The following PLCB4 variants were observed in gnomAD, a reference collection of about 807,000 sequenced individuals.
PLCB4 encodes 1-phosphatidylinositol 4,5-bisphosphate phosphodiesterase beta-4.
Under a neutral mutation model 178.8 loss-of-function variants are expected in PLCB4, and 77 were observed. The observed-to-expected ratio is 0.43, with a 90% CI of 0.36 to 0.52. The LOEUF (loss-of-function observed/expected upper bound fraction) is 0.52. PLCB4 is among the 20% of genes least tolerant of loss of function. The probability of loss-of-function intolerance (pLI) is 0.00; values close to 1 mark genes in which losing one functional copy is unlikely to be tolerated. For missense variants in PLCB4, 1,024 were observed against 1,453.4 expected (o/e 0.70, Z 4.80); for synonymous variants, 496 against 490.8 (o/e 1.01, Z -0.14).
At chr20:9,333,266 T>C (rs143280255) in intron 4 of PLCB4, among the ~76,000 whole-genome samples, 29 of 152,236 alleles carry the variant, frequency 1.9e-4, no homozygotes, top group African/African-American at 6.7e-4. Flanking sequence ...TCTGCCCTCT[T>C]GGAGGTTGTT....
chr20:9,379,008 G>A (rs1478974340), intron 12 of PLCB4, among the ~76,000 whole-genome samples: 2 of 152,128 alleles, frequency 1.3e-5, no homozygotes, highest in African/African-American at 4.8e-5. Flanking sequence ...TGGGTAAAGA[G>A]TTGTCACCAA....
At chr20:9,416,448 G>A (rs1325120118) in intron 25 of PLCB4, among the ~76,000 whole-genome samples, 2 of 152,108 alleles carry the variant, frequency 1.3e-5, no homozygotes, top group Non-Finnish European at 2.9e-5. Flanking sequence ...TGCCACAGCT[G>A]GGGTCCAAAT....
intron 2 of PLCB4, among the ~76,000 whole-genome samples, chr20:9,207,155 A>G (rs1220506392): frequency 6.6e-6 from 1 of 152,178 alleles, no homozygotes; most frequent in Admixed American, 6.6e-5. Flanking sequence ...TACCCAAAAC[A>G]AACGATACCA....
intron 33 of PLCB4, 83 bp from the exon 34 acceptor site, chr20:9,457,331 C>A: frequency 1.3e-6 from 1 of 760,716 alleles, no homozygotes; most frequent in Non-Finnish European, 2.4e-6. Context: ...ATATTATCTT[C>A]ATCAGAAAGC....
intron 2 of PLCB4, among the ~76,000 whole-genome samples, chr20:9,191,345 ATTTTTTTT>A (rs71184136): frequency 3.2e-4 from 19 of 58,858 alleles, no homozygotes; most frequent in East Asian, 2.4e-3. Context: ...CTAGATAGGC[ATTTTTTTT>A]TTTTTTTTTT....
At chr20:9,318,197 G>A (rs560887088) in intron 4 of PLCB4, among the ~76,000 whole-genome samples, 2 of 152,088 alleles carry the variant, frequency 1.3e-5, no homozygotes, top group East Asian at 1.9e-4. Flanking sequence ...ATAGAGACAA[G>A]GCCAGCCACA....
chr20:9,383,473 A>G (rs1380071264), intron 13 of PLCB4, among the ~76,000 whole-genome samples: 1 of 152,218 alleles, frequency 6.6e-6, no homozygotes, highest in Non-Finnish European at 1.5e-5. Flanking sequence ...GAAGCTGTCG[A>G]TGCATCAACC....
intron 2 of PLCB4, among the ~76,000 whole-genome samples, chr20:9,141,712 C>T (rs1401143192): frequency 1.3e-5 from 2 of 152,038 alleles, no homozygotes. Flanking sequence ...TTATGGCATG[C>T]GTATATGACA....
chr20:9,145,509 C>A (rs1236229503), intron 2 of PLCB4, among the ~76,000 whole-genome samples: 1 of 142,696 alleles, frequency 7.0e-6, no homozygotes, highest in Non-Finnish European at 1.5e-5. Flanking sequence ...TATCAAAGTT[C>A]TTTTTTTTTT....
chr20:9,432,264 T>G (rs147044981), intron 28 of PLCB4, among the ~76,000 whole-genome samples: 1 of 152,342 alleles, frequency 6.6e-6, no homozygotes, highest in Admixed American at 6.5e-5. Context: ...TCTTGCTTTA[T>G]TGATTCTTTA....
At chr20:9,323,665 C>T (rs2029872081) in intron 4 of PLCB4, among the ~76,000 whole-genome samples, 3 of 152,150 alleles carry the variant, frequency 2.0e-5, no homozygotes, top group African/African-American at 4.8e-5. Context: ...GGAGGTGTGT[C>T]GCTTAAATCT....
chr20:9,156,584 G>A (rs1356853318), intron 2 of PLCB4, among the ~76,000 whole-genome samples: 1 of 152,132 alleles, frequency 6.6e-6, no homozygotes, highest in Non-Finnish European at 1.5e-5. Context: ...TGACAGAATT[G>A]AGAGGGGAGG....
intron 2 of PLCB4, among the ~76,000 whole-genome samples, chr20:9,128,122 C>T (rs773885638): frequency 3.2e-4 from 48 of 152,240 alleles, no homozygotes; most frequent in South Asian, 6.2e-4. Flanking sequence ...AATGGCTTAG[C>T]GCTATCCTCT....
chr20:9,351,259 A>C (rs140643323), intron 7 of PLCB4, among the ~76,000 whole-genome samples: 163 of 152,086 alleles, frequency 1.1e-3, no homozygotes, highest in African/African-American at 3.6e-3. Context: ...ATATGTATAC[A>C]TGTGCCATGT....
intron 35 of PLCB4, among the ~76,000 whole-genome samples, chr20:9,466,040 C>G (rs1425014271): frequency 6.6e-6 from 1 of 152,182 alleles, no homozygotes; most frequent in African/African-American, 2.4e-5. Flanking sequence ...AACTATACTA[C>G]AAGGCTACAG....
chr20:9,158,832 T>C (rs1332723489), intron 2 of PLCB4, among the ~76,000 whole-genome samples: 2 of 152,174 alleles, frequency 1.3e-5, no homozygotes, highest in Non-Finnish European at 2.9e-5. Flanking sequence ...TTTGATGCAA[T>C]CAGTTCAGAG....
chr20:9,333,777 A>C (rs1411980396), intron 4 of PLCB4, among the ~76,000 whole-genome samples: 1 of 152,138 alleles, frequency 6.6e-6, no homozygotes, highest in Non-Finnish European at 1.5e-5. Context: ...TATTCGAAAT[A>C]TTATAGAAGA....
chr20:9,442,501 A>C (rs1170286814), intron 30 of PLCB4, among the ~76,000 whole-genome samples: 2 of 149,680 alleles, frequency 1.3e-5, no homozygotes, highest in Admixed American at 6.7e-5. Context: ...CCTTTTAATC[A>C]AGACTTAGTT....
At chr20:9,199,151 G>A (rs923195271) in intron 2 of PLCB4, among the ~76,000 whole-genome samples, 1 of 138,134 alleles carries the variant, frequency 7.2e-6, no homozygotes, top group Non-Finnish European at 1.5e-5. Flanking sequence ...TTCCAAAATA[G>A]TCTCTAGTCT....
Sources: allele counts gnomAD v4.1 joint callset (sites outside exome capture counted in the v4.1 genomes callset), GRCh38; gene constraint gnomAD v4.1.1; transcripts MANE v1.5; gene names NCBI Gene and HGNC (gene_info 2026-07-23, HGNC 2026-07-21).